SERTM1: variants seen among roughly 807,000 people sequenced by gnomAD.
SERTM1 encodes serine-rich and transmembrane domain-containing protein 1.
Under a neutral mutation model 5.5 loss-of-function variants are expected in SERTM1, and 1 was observed. The observed-to-expected ratio is 0.18, with a 90% CI of 0.06 to 0.86. SERTM1 has a LOEUF of 0.86. SERTM1 is among the 40% of genes least tolerant of loss of function. The pLI is 0.69. For synonymous variants in SERTM1, 52 were observed against 55.1 expected (o/e 0.94, Z 0.25); for missense variants, 91 against 122.4 (o/e 0.74, Z 1.21).
At chr13:36,675,802 G>A (rs1388555332) in intron 1 of SERTM1, among the ~76,000 whole-genome samples, 1 of 152,094 alleles carries the variant, frequency 6.6e-6, no homozygotes, top group Non-Finnish European at 1.5e-5. Flanking sequence ...GACATCGTAG[G>A]GCCGCCGAAG....
At chr13:36,689,618 T>G (rs929033323) in intron 1 of SERTM1, among the ~76,000 whole-genome samples, 7 of 150,454 alleles carry the variant, frequency 4.7e-5, no homozygotes, top group African/African-American at 1.7e-4. Flanking sequence ...TTTGAGACTG[T>G]ATGAGGTAGA....
intron 1 of SERTM1, among the ~76,000 whole-genome samples, chr13:36,683,204 TC>T (rs2056717278): frequency 6.6e-6 from 1 of 152,348 alleles, no homozygotes; most frequent in South Asian, 2.1e-4. Context: ...TAGCAGCTCA[TC>T]ATATTTGAGC....
rs189183881 is a variant in SERTM1 at position 36,688,255 on chromosome 13, C to T, written c.-173-6651C>T. Among the ~76,000 whole-genome samples, 617 of 151,838 alleles carry T rather than the reference C, an allele frequency of 4.1e-3. 2 individuals are homozygous for T. Among genetic ancestry groups the T allele is most frequent in the Non-Finnish European group, 6.2e-3 (422 of 67,950 alleles). On this transcript the variant is annotated intron_variant, in intron 1 of 1. Transcript: ENST00000315190. ...TTTAGACAGGGTCTCACTCTGTCAC[C>T]CTGGCTGGAATGCAGTGGCACGATC...
intron 1 of SERTM1, among the ~76,000 whole-genome samples, chr13:36,677,342 C>T (rs1377084558): frequency 6.6e-6 from 1 of 152,192 alleles, no homozygotes; most frequent in Admixed American, 6.5e-5. Flanking sequence ...CAAACCTCCA[C>T]ATTTCCATCA....
rs561797682 is a variant in SERTM1, at chr13:36,674,263, G to T, written c.-174+79G>T. On this transcript the variant is annotated intron_variant, in intron 1 of 1. Coordinates refer to ENST00000315190, the MANE Select transcript of SERTM1 (RefSeq NM_203451.3). ...GCGGAGAGCGCCCCACTCCTTGCCT[G>T]GGGCGGCCTCGGGTCCTGGAGGCGA... 5.9e-5 allele frequency: 9 copies of T among 151,862 alleles called. No homozygotes were observed. In the East Asian group the frequency reaches 1.8e-3, roughly 30 times the overall value. The allele number at this position is 151,862 out of a possible 1,614,324, so 9.4% of individuals were successfully genotyped here. A position where few individuals can be genotyped will look rare whatever the true frequency, so the allele number is the denominator to read the frequency against.
At chr13:36,680,230 T>C (rs911050557) in intron 1 of SERTM1, among the ~76,000 whole-genome samples, 2 of 152,158 alleles carry the variant, frequency 1.3e-5, no homozygotes, top group Non-Finnish European at 2.9e-5. Flanking sequence ...TGGATGCTAG[T>C]CTCAGACCTT....
chr13:36,689,705 T>C (rs1038597400), intron 1 of SERTM1, among the ~76,000 whole-genome samples: 42 of 151,068 alleles, frequency 2.8e-4, no homozygotes, highest in African/African-American at 9.2e-4. Context: ...CTCAATCAAC[T>C]CTGTTTTATA....
chr13:36,686,171 G>C (rs992064259), intron 1 of SERTM1, among the ~76,000 whole-genome samples: 1 of 152,106 alleles, frequency 6.6e-6, no homozygotes, highest in Admixed American at 6.5e-5. Context: ...CCTCTCCCAC[G>C]ACCACAGGCA....
At chr13:36,674,458 A>C (rs1447937754) in intron 1 of SERTM1, among the ~76,000 whole-genome samples, 1 of 151,982 alleles carries the variant, frequency 6.6e-6, no homozygotes, top group African/African-American at 2.4e-5. Flanking sequence ...AGGAGCCGCG[A>C]GGGGCCCTGA....
At chr13:36,686,184 G>GT (rs2056739912) in intron 1 of SERTM1, among the ~76,000 whole-genome samples, 1 of 152,216 alleles carries the variant, frequency 6.6e-6, no homozygotes, top group African/African-American at 2.4e-5. Flanking sequence ...CACAGGCACA[G>GT]TTTCCTGGTC....
intron 1 of SERTM1, among the ~76,000 whole-genome samples, chr13:36,692,390 C>G (rs1463059003): frequency 6.6e-6 from 1 of 152,196 alleles, no homozygotes; most frequent in Admixed American, 6.5e-5. Context: ...GTAAGCTTTA[C>G]CAACTGAATT....
chr13:36,689,923 G>A (rs2056767329), intron 1 of SERTM1, among the ~76,000 whole-genome samples: 1 of 152,216 alleles, frequency 6.6e-6, no homozygotes, highest in South Asian at 2.1e-4. Context: ...GAGATGGAGA[G>A]ACTGGGCCGA....
At chr13:36,687,963 A>G (rs898305074) in intron 1 of SERTM1, among the ~76,000 whole-genome samples, 4 of 146,094 alleles carry the variant, frequency 2.7e-5, no homozygotes, top group African/African-American at 1.0e-4. Context: ...GATTAAAAAC[A>G]AAAAAAAAAG....
intron 1 of SERTM1, among the ~76,000 whole-genome samples, chr13:36,679,316 T>G (rs550642981): frequency 1.3e-5 from 2 of 152,328 alleles, no homozygotes; most frequent in East Asian, 1.9e-4. Context: ...CTGTTTGTTG[T>G]TGGTGTTGTT....
intron 1 of SERTM1, among the ~76,000 whole-genome samples, chr13:36,677,150 C>G (rs141420223): frequency 6.6e-6 from 1 of 152,136 alleles, no homozygotes; most frequent in African/African-American, 2.4e-5. Flanking sequence ...ACATAAAATG[C>G]GTCCTTCACG....
intron 1 of SERTM1, among the ~76,000 whole-genome samples, chr13:36,684,842 G>A (rs1399086234): frequency 6.6e-6 from 1 of 152,092 alleles, no homozygotes. Flanking sequence ...GTTAAATCTT[G>A]TACTAAAGAT....
chr13:36,694,702 G>T (rs1300155060), intron 1 of SERTM1, among the ~76,000 whole-genome samples: 3 of 152,124 alleles, frequency 2.0e-5, no homozygotes, highest in Admixed American at 2.0e-4. Flanking sequence ...AGCACCTAGG[G>T]TACTGTAGAC....
chr13:36,675,680 A>G (rs1225350687), intron 1 of SERTM1, among the ~76,000 whole-genome samples: 1 of 152,172 alleles, frequency 6.6e-6, no homozygotes, highest in Non-Finnish European at 1.5e-5. Flanking sequence ...CACACTCAGA[A>G]CACCGTTTTT....
chr13:36,682,760 A>G (rs1027142428), intron 1 of SERTM1, among the ~76,000 whole-genome samples: 1 of 152,238 alleles, frequency 6.6e-6, no homozygotes, highest in African/African-American at 2.4e-5. Flanking sequence ...GTAGCTGGCA[A>G]CTATACAAAT....
Sources: gnomAD v4.1 joint callset for allele counts (sites outside exome capture counted in the v4.1 genomes callset) on GRCh38, gnomAD v4.1.1 for gene constraint, MANE v1.5 for transcripts, NCBI Gene and HGNC (gene_info 2026-07-23, HGNC 2026-07-21) for gene names.